Variants in BST1 observed in about 807,000 individuals in gnomAD.
The protein encoded by BST1 is bone marrow stromal cell antigen 1, also known as ADP-ribosyl cyclase/cyclic ADP-ribose hydrolase 2.
Under a neutral mutation model 40.6 loss-of-function variants are expected in BST1, and 49 were observed. The observed-to-expected ratio is 1.21, with a 90% CI of 0.96 to 1.53. The LOEUF is 1.53. Among genes scored for constraint, BST1 ranks in the 40% most tolerant of loss-of-function variants. The pLI is 0.00. For missense variants in BST1, 423 were observed against 395.9 expected (o/e 1.07, Z -0.58); for synonymous variants, 157 against 159.3 (o/e 0.99, Z 0.11).
Position 15,731,870 on chromosome 4 carries a change from T to G in BST1, c.*25T>G, listed in dbSNP as rs1407206735. The G allele has an allele frequency of 6.2e-7, 1 of 1,602,986 alleles. No homozygotes were observed. Among genetic ancestry groups the G allele is most frequent in the Admixed American group, 1.7e-5 (1 of 58,130 alleles). The stretch of plus-strand genomic sequence containing the variant: ...ACTGGAAACTGTGTTGCTCTAACCC[T>G]CCTCCAGCCCTGCAGCCTCCCCTTG... On this transcript the variant is annotated 3_prime_UTR_variant, in exon 9 of 9. Coordinates refer to ENST00000265016, the MANE Select transcript of BST1 (RefSeq NM_004334.3).
the BST1 span, among the ~76,000 whole-genome samples, chr4:15,767,784 A>AT: frequency 1.2e-4 from 17 of 144,218 alleles, no homozygotes; most frequent in East Asian, 4.2e-4. Context: ...CTAGTTTTTA[A>AT]TTTTTTTTTT....
At chr4:15,739,449 A>T (rs1265115706), downstream of BST1, among the ~76,000 whole-genome samples, 1 of 152,032 alleles carries the variant, frequency 6.6e-6, no homozygotes, top group Non-Finnish European at 1.5e-5. Context: ...GTTCTTTGGA[A>T]CTTCTTTTAT....
At chr4:15,763,503 G>A in the BST1 span, among the ~76,000 whole-genome samples, 64 of 151,746 alleles carry the variant, frequency 4.2e-4, 1 homozygote, top group Admixed American at 1.3e-3. Flanking sequence ...ATTATAACCT[G>A]AAAAATTATT....
the BST1 span, among the ~76,000 whole-genome samples, chr4:15,751,951 T>C: frequency 1.3e-5 from 2 of 152,208 alleles, no homozygotes; most frequent in Non-Finnish European, 2.9e-5. Context: ...GTGGCTCGTA[T>C]AAGACTAGAA....
At chr4:15,717,451 G>A (rs146821495) in intron 6 of BST1, among the ~76,000 whole-genome samples, 10 of 152,228 alleles carry the variant, frequency 6.6e-5, no homozygotes, top group South Asian at 2.1e-4. Context: ...CTCTGTTTGC[G>A]TTTGTAAATT....
chr4:15,763,307 C>T, the BST1 span, among the ~76,000 whole-genome samples: 54,690 of 151,338 alleles, frequency 0.36, 10,369 homozygotes, highest in African/African-American at 0.44. Flanking sequence ...AAAGATAAGG[C>T]AAAATATGTA....
intron 4 of BST1, among the ~76,000 whole-genome samples, chr4:15,714,816 A>T (rs1720421565): frequency 2.0e-5 from 3 of 152,176 alleles, no homozygotes; most frequent in South Asian, 4.1e-4. Context: ...GGAAGCCTTT[A>T]AGAAGTGGTC....
At chr4:15,768,639 G>T in the BST1 span, among the ~76,000 whole-genome samples, 1 of 151,876 alleles carries the variant, frequency 6.6e-6, no homozygotes, top group Non-Finnish European at 1.5e-5. Context: ...GACTACAGGC[G>T]CCCGCCACCG....
chr4:15,731,118 G>T (rs147645603), intron 8 of BST1: 162 of 422,260 alleles, frequency 3.8e-4, no homozygotes, highest in African/African-American at 2.8e-3. Flanking sequence ...TTTTCACGTG[G>T]CCAACAGCCA....
intron 3 of BST1, 97 bp downstream of exon 3, chr4:15,707,743 G>T: frequency 6.9e-7 from 1 of 1,444,768 alleles, no homozygotes; most frequent in South Asian, 1.3e-5. Flanking sequence ...TATTTCACTT[G>T]ATCCTCTCCA....
Position 15,732,226 on chromosome 4 carries a change from C to A in BST1, c.*381C>A. The A allele has an allele frequency of 1.5e-6, 1 of 645,482 alleles. No individual in the cohort carries two copies. Among genetic ancestry groups the A allele is most frequent in the Non-Finnish European group, 2.0e-6 (1 of 508,106 alleles). The allele number at this position is 645,482 out of a possible 1,614,324, so 40.0% of individuals were successfully genotyped here. ...ACGGACACTGCATGCTTGTTGATTG[C>A]TTAAGACATATGTATACTATATAAA... On this transcript the variant is annotated 3_prime_UTR_variant, in exon 9 of 9. Coordinates refer to ENST00000265016, the MANE Select transcript of BST1 (RefSeq NM_004334.3).
intron 7 of BST1, among the ~76,000 whole-genome samples, chr4:15,721,284 G>C (rs1432593821): frequency 2.0e-5 from 3 of 152,160 alleles, no homozygotes; most frequent in African/African-American, 4.8e-5. Flanking sequence ...AGTTCTCCCT[G>C]AGGTTCTTGC....
chr4:15,722,001 T>C (rs1163177569), intron 7 of BST1, among the ~76,000 whole-genome samples: 1 of 151,978 alleles, frequency 6.6e-6, no homozygotes. Context: ...AAGACCTGGC[T>C]CCTGTCTTCA....
At chr4:15,761,197 ACC>A in the BST1 span, among the ~76,000 whole-genome samples, 3 of 151,802 alleles carry the variant, frequency 2.0e-5, no homozygotes, top group Non-Finnish European at 4.4e-5. Context: ...GGCATGTTCC[ACC>A]ATGCCCGGCT....
At chr4:15,703,363 C>A in intron 1 of BST1, 31 bp downstream of exon 1, 2 of 1,410,512 alleles carry the variant, frequency 1.4e-6, no homozygotes, top group South Asian at 1.3e-5. Context: ...GAAGGGGAGC[C>A]GGAAAGAGGC....
chr4:15,711,769 T>C, intron 3 of BST1, 38 bp from the exon 4 acceptor site: 1 of 1,467,950 alleles, frequency 6.8e-7, no homozygotes, highest in Non-Finnish European at 9.5e-7. Context: ...AGATAGATAA[T>C]CTTTGGAATA....
At chr4:15,758,374 C>G in the BST1 span, among the ~76,000 whole-genome samples, 1 of 152,138 alleles carries the variant, frequency 6.6e-6, no homozygotes, top group African/African-American at 2.4e-5. Flanking sequence ...TTAGCTTTCA[C>G]TTAAACGTGA....
At chr4:15,768,058 T>C in the BST1 span, among the ~76,000 whole-genome samples, 1 of 152,182 alleles carries the variant, frequency 6.6e-6, no homozygotes, top group Admixed American at 6.5e-5. Flanking sequence ...CTTCTTCCTT[T>C]CTACCTTTCA....
At chr4:15,705,766 C>G in intron 2 of BST1, 125 bp downstream of exon 2, 1 of 1,294,260 alleles carries the variant, frequency 7.7e-7, no homozygotes, top group Non-Finnish European at 1.1e-6. Context: ...TCAGGCAGCA[C>G]ACATAATGTG....
Sources: allele counts gnomAD v4.1 joint callset (sites outside exome capture counted in the v4.1 genomes callset), GRCh38; gene constraint gnomAD v4.1.1; transcripts MANE v1.5; gene names NCBI Gene and HGNC (gene_info 2026-07-23, HGNC 2026-07-21).